Variants in NAV3 observed in about 807,000 individuals in gnomAD.
The protein encoded by NAV3 is pore membrane and/or filament interacting like protein 1.
Under a neutral mutation model 244.7 loss-of-function variants are expected in NAV3, and 87 were observed. The observed-to-expected ratio is 0.36, with a 90% CI of 0.30 to 0.42. NAV3 has a LOEUF of 0.42. Ranked by LOEUF, NAV3 falls within the 20% of genes least tolerant of loss-of-function variation. The pLI, the probability that NAV3 is intolerant of heterozygous loss-of-function variation, is 1.00. For synonymous variants in NAV3, 1,126 were observed against 1,042.2 expected (o/e 1.08, Z -1.55); for missense variants, 2,663 against 2,893.3 (o/e 0.92, Z 1.83).
intron 2 of NAV3, among the ~76,000 whole-genome samples, chr12:77,700,681 A>G (rs1032419278): frequency 3.9e-5 from 6 of 152,014 alleles, no homozygotes; most frequent in Admixed American, 6.6e-5. Flanking sequence ...ATTTGTACCT[A>G]TAGGTTTTTA....
chr12:77,870,093 G>A (rs1442030518), intron 1 of NAV3, among the ~76,000 whole-genome samples: 3 of 152,064 alleles, frequency 2.0e-5, no homozygotes, highest in Admixed American at 6.6e-5. Context: ...TAAGCCGGGC[G>A]CGGTGGCTCA....
intron 1 of NAV3, among the ~76,000 whole-genome samples, chr12:77,910,663 C>T (rs1185878160): frequency 4.6e-5 from 7 of 152,144 alleles, no homozygotes; most frequent in Non-Finnish European, 8.8e-5. Context: ...GTTCCAGCAA[C>T]TCACTCTGTA....
chr12:78,168,190 T>A (rs768525912), intron 23 of NAV3, among the ~76,000 whole-genome samples: 3 of 151,698 alleles, frequency 2.0e-5, no homozygotes, highest in Non-Finnish European at 4.4e-5. Flanking sequence ...GAATGTAACA[T>A]GACTTTGATA....
chr12:78,109,773 C>T (rs944917652), intron 12 of NAV3, among the ~76,000 whole-genome samples: 3 of 151,564 alleles, frequency 2.0e-5, no homozygotes, highest in Admixed American at 2.0e-4. Flanking sequence ...AACTCTAAAA[C>T]TCAGCATAGA....
intron 2 of NAV3, among the ~76,000 whole-genome samples, chr12:77,816,557 G>A (rs1208510729): frequency 6.6e-6 from 1 of 152,174 alleles, no homozygotes; most frequent in East Asian, 1.9e-4. Flanking sequence ...TCTGAAAAGT[G>A]TTGTTATCTG....
chr12:77,735,275 G>C, intron 2 of NAV3, among the ~76,000 whole-genome samples: 1 of 152,086 alleles, frequency 6.6e-6, no homozygotes, highest in East Asian at 1.9e-4. Context: ...TCAGTAATGA[G>C]AGTACTAGAA....
chr12:77,993,739 G>C (rs1461949058), intron 5 of NAV3, among the ~76,000 whole-genome samples: 4 of 152,102 alleles, frequency 2.6e-5, no homozygotes, highest in African/African-American at 7.2e-5. Context: ...AGAAGCAATT[G>C]GATCAACTAC....
Position 78,177,255 on chromosome 12 carries a change from C to T in NAV3, c.5239C>T (p.Pro1747Ser), listed in dbSNP as rs1958272614. Residue 1747 changes from proline to serine, a missense_variant, in exon 27 of 40, where the codon CCC (proline) becomes TCC (serine). Pro to Ser is a moderately conservative substitution (Grantham distance 74). Coordinates refer to ENST00000397909, the MANE Select transcript of NAV3 (RefSeq NM_001024383.2). ...DSSLPASPKL[P>S]HNAGDCGSAS... ...ATCCCTTCCGGCATCCCCCAAGTTA[C>T]CCCATAATGCTGGTGACTGTGGCTC... is the stretch of plus-strand genomic sequence containing the variant. The T allele has an allele frequency of 6.2e-7, 1 of 1,613,574 alleles. No homozygotes were observed. The highest frequency in any genetic ancestry group is 1.3e-5 in the African/African-American group (1 of 75,002).
At chr12:77,934,876 T>C (rs1459498885) in intron 1 of NAV3, among the ~76,000 whole-genome samples, 1 of 152,210 alleles carries the variant, frequency 6.6e-6, no homozygotes. Context: ...AGCTAATATT[T>C]TTAAATCCTC....
At chr12:78,183,569 C>G (rs1958588343) in intron 30 of NAV3, among the ~76,000 whole-genome samples, 1 of 151,882 alleles carries the variant, frequency 6.6e-6, no homozygotes, top group Non-Finnish European at 1.5e-5. Context: ...AGGACCTGGA[C>G]TTTTCACTAT....
intron 2 of NAV3, among the ~76,000 whole-genome samples, chr12:77,630,934 G>C (rs1167624766): frequency 6.6e-6 from 1 of 152,126 alleles, no homozygotes; most frequent in Non-Finnish European, 1.5e-5. Context: ...GTGATAATTA[G>C]TAGTGTTCAT....
intron 35 of NAV3, among the ~76,000 whole-genome samples, chr12:78,198,202 A>G (rs966898965): frequency 6.6e-6 from 1 of 152,050 alleles, no homozygotes; most frequent in South Asian, 2.1e-4. Flanking sequence ...GAATGAAAGA[A>G]TACAAATTTT....
chr12:78,013,761 T>G (rs1052556926), intron 8 of NAV3, among the ~76,000 whole-genome samples: 2 of 152,106 alleles, frequency 1.3e-5, no homozygotes, highest in Non-Finnish European at 2.9e-5. Context: ...TGAACCAGGT[T>G]AAATGTATAG....
intron 3 of NAV3, among the ~76,000 whole-genome samples, chr12:77,951,927 G>A (rs1300473535): frequency 2.6e-5 from 4 of 152,048 alleles, no homozygotes; most frequent in East Asian, 1.9e-4. Context: ...GTGGGGCAGG[G>A]GGAGAGGGGA....
intron 2 of NAV3, among the ~76,000 whole-genome samples, chr12:77,821,842 T>C (rs1347256265): frequency 6.6e-6 from 1 of 152,210 alleles, no homozygotes; most frequent in Admixed American, 6.5e-5. Context: ...TATATTTGTG[T>C]ACCCATATTC....
intron 9 of NAV3, among the ~76,000 whole-genome samples, chr12:78,048,060 A>G (rs1301577509): frequency 6.6e-6 from 1 of 152,104 alleles, no homozygotes; most frequent in East Asian, 1.9e-4. Flanking sequence ...CAGCTCCATC[A>G]GGTCATTTGT....
chr12:77,623,791 C>T (rs1390162211), intron 2 of NAV3, among the ~76,000 whole-genome samples: 1 of 152,058 alleles, frequency 6.6e-6, no homozygotes, highest in Non-Finnish European at 1.5e-5. Flanking sequence ...GAGAGCATTT[C>T]CCAGGGGAGA....
intron 3 of NAV3, among the ~76,000 whole-genome samples, chr12:77,942,262 C>T (rs1889943138): frequency 6.6e-6 from 1 of 152,054 alleles, no homozygotes; most frequent in Non-Finnish European, 1.5e-5. Flanking sequence ...ATCCCAGCTA[C>T]TCGGGAGGCT....
chr12:78,052,152 A>G (rs1882847688), intron 11 of NAV3: 1 of 152,190 alleles, frequency 6.6e-6, no homozygotes, highest in Non-Finnish European at 1.5e-5. Flanking sequence ...TGTAGGAAAT[A>G]ATTCTTCTAT....
Sources: allele counts gnomAD v4.1 joint callset (sites outside exome capture counted in the v4.1 genomes callset), GRCh38; gene constraint gnomAD v4.1.1; transcripts MANE v1.5; gene names NCBI Gene and HGNC (gene_info 2026-07-23, HGNC 2026-07-21).